The following SYNPR variants were observed in gnomAD, a reference collection of about 807,000 sequenced individuals.
SYNPR encodes the protein synaptoporin.
A neutral mutation model predicts 32.9 loss-of-function variants in SYNPR; 23 were observed. The ratio of observed to expected loss-of-function variants is 0.70; its 90% CI spans 0.50 to 0.99. The LOEUF (loss-of-function observed/expected upper bound fraction) is 0.99. Among genes scored for constraint, SYNPR ranks in the 50% least tolerant of loss-of-function variants. The probability of loss-of-function intolerance (pLI) is 0.00; values close to 1 mark genes in which losing one functional copy is unlikely to be tolerated. For synonymous variants in SYNPR, 146 were observed against 135.9 expected, an observed-to-expected ratio of 1.07 and a Z score of -0.52; for missense variants, 318 against 349.3, an observed-to-expected ratio of 0.91 and a Z score of 0.71.
At chr3:63,463,259 C>G (rs1187730624) in intron 2 of SYNPR, among the ~76,000 whole-genome samples, 1 of 152,102 alleles carries the variant, frequency 6.6e-6, no homozygotes, top group Admixed American at 6.6e-5. Flanking sequence ...TTCTAAGAAG[C>G]AGACTGGCTC....
intron 3 of SYNPR, among the ~76,000 whole-genome samples, chr3:63,481,396 T>C (rs1298634538): frequency 6.6e-6 from 1 of 151,956 alleles, no homozygotes; most frequent in Non-Finnish European, 1.5e-5. Flanking sequence ...AGAGGATCTG[T>C]ATACTATGGA....
At chr3:63,541,594 A>G (rs751306960) in intron 3 of SYNPR, among the ~76,000 whole-genome samples, 5 of 152,074 alleles carry the variant, frequency 3.3e-5, no homozygotes, top group Non-Finnish European at 7.4e-5. Context: ...GAGCCAATCT[A>G]TTGCGTACTA....
At chr3:63,587,801 A>G (rs1335781523) in intron 4 of SYNPR, among the ~76,000 whole-genome samples, 2 of 152,182 alleles carry the variant, frequency 1.3e-5, no homozygotes, top group East Asian at 3.9e-4. Flanking sequence ...GTGCCTATTC[A>G]CAGGTGCAAT....
At chr3:63,487,427 C>T (rs1017257679) in intron 3 of SYNPR, among the ~76,000 whole-genome samples, 1 of 152,144 alleles carries the variant, frequency 6.6e-6, no homozygotes, top group Non-Finnish European at 1.5e-5. Flanking sequence ...CAAGACCTGA[C>T]ATTCAATACA....
intron 3 of SYNPR, among the ~76,000 whole-genome samples, chr3:63,548,784 C>A (rs535982925): frequency 6.6e-6 from 1 of 152,166 alleles, no homozygotes; most frequent in Non-Finnish European, 1.5e-5. Flanking sequence ...CCTGCTCCCC[C>A]ACACCTTAAT....
chr3:63,450,179 G>C (rs1322741679), intron 2 of SYNPR, among the ~76,000 whole-genome samples: 1 of 152,126 alleles, frequency 6.6e-6, no homozygotes, highest in Admixed American at 6.5e-5. Flanking sequence ...AGTCTCCCCA[G>C]TAGTTCACGG....
chr3:63,440,223 T>A (rs572311204), intron 2 of SYNPR, among the ~76,000 whole-genome samples: 1 of 152,008 alleles, frequency 6.6e-6, no homozygotes, highest in African/African-American at 2.4e-5. Flanking sequence ...GAGGAAAGAA[T>A]GTTCCAAGCA....
chr3:63,295,492 G>A (rs1374120305), intron 2 of SYNPR, among the ~76,000 whole-genome samples: 2 of 152,032 alleles, frequency 1.3e-5, no homozygotes. Context: ...GAAAAATTCC[G>A]AACCGCTCCC....
intron 2 of SYNPR, among the ~76,000 whole-genome samples, chr3:63,305,519 C>T (rs2106946423): frequency 6.6e-6 from 1 of 152,086 alleles, no homozygotes. Context: ...GTTTTAGACT[C>T]TTTCCCTTAC....
chr3:63,566,738 A>G (rs767789579), intron 4 of SYNPR, among the ~76,000 whole-genome samples: 1 of 152,184 alleles, frequency 6.6e-6, no homozygotes, highest in Non-Finnish European at 1.5e-5. Flanking sequence ...CTGAGTCTTC[A>G]TCTATCAAAT....
chr3:63,345,304 T>C (rs1183782529), intron 2 of SYNPR, among the ~76,000 whole-genome samples: 1 of 152,026 alleles, frequency 6.6e-6, no homozygotes, highest in Non-Finnish European at 1.5e-5. Context: ...ATTCCTTCCA[T>C]AGTTAACTTG....
At chr3:63,459,917 A>G (rs1277189831) in intron 2 of SYNPR, among the ~76,000 whole-genome samples, 1 of 152,046 alleles carries the variant, frequency 6.6e-6, no homozygotes, top group Non-Finnish European at 1.5e-5. Flanking sequence ...CATCCAGTTC[A>G]GCACTAAATC....
At chr3:63,256,731 C>A (rs756170570) in intron 2 of SYNPR, among the ~76,000 whole-genome samples, 1 of 152,106 alleles carries the variant, frequency 6.6e-6, no homozygotes, top group Non-Finnish European at 1.5e-5. Context: ...ATGACTTTGA[C>A]GAGTTGAGAG....
At chr3:63,452,079 T>A (rs960529121) in intron 2 of SYNPR, 1 of 702,102 alleles carries the variant, frequency 1.4e-6, no homozygotes, top group African/African-American at 1.7e-5. Context: ...AAAGAAAGGG[T>A]TTCTCAAACG....
intron 3 of SYNPR, among the ~76,000 whole-genome samples, chr3:63,499,940 C>CA (rs1360519661): frequency 2.6e-5 from 4 of 151,672 alleles, no homozygotes; most frequent in African/African-American, 9.7e-5. Flanking sequence ...TTTGTAAAGT[C>CA]AAAATGGAAG....
At chr3:63,458,542 C>A (rs543512563) in intron 2 of SYNPR, among the ~76,000 whole-genome samples, 6 of 152,110 alleles carry the variant, frequency 3.9e-5, no homozygotes, top group African/African-American at 1.4e-4. Context: ...AGGTTCTAAG[C>A]AAGCAAGCAA....
intron 2 of SYNPR, among the ~76,000 whole-genome samples, chr3:63,452,312 A>T (rs1700393695): frequency 6.6e-6 from 1 of 152,168 alleles, no homozygotes; most frequent in Admixed American, 6.5e-5. Flanking sequence ...CTCAAAAGTG[A>T]TTTAATTATC....
chr3:63,577,627 AG>A (rs1703008487), intron 4 of SYNPR, among the ~76,000 whole-genome samples: 1 of 152,156 alleles, frequency 6.6e-6, no homozygotes. Context: ...GTATGAATGT[AG>A]GTATGTGTGA....
chr3:63,512,219 G>A (rs961552203), intron 3 of SYNPR, among the ~76,000 whole-genome samples: 14 of 152,100 alleles, frequency 9.2e-5, no homozygotes, highest in African/African-American at 1.9e-4. Context: ...TCTCTCTCTC[G>A]TCTCATGTTA....
Sources: gnomAD v4.1 joint callset for allele counts (sites outside exome capture counted in the v4.1 genomes callset) on GRCh38, gnomAD v4.1.1 for gene constraint, MANE v1.5 for transcripts, NCBI Gene and HGNC (gene_info 2026-07-23, HGNC 2026-07-21) for gene names.